SNRK: variants seen among roughly 807,000 people sequenced by gnomAD.
The protein encoded by SNRK is SNF-related serine/threonine-protein kinase.
In SNRK, 3 loss-of-function variants were observed where a neutral mutation model predicts 48.2. The ratio of observed to expected loss-of-function variants is 0.06; its 90% confidence interval spans 0.03 to 0.16. The LOEUF is 0.16. SNRK is among the 10% of genes least tolerant of loss of function. The pLI is 1.00. For synonymous variants in SNRK, 376 were observed against 366.1 expected, an observed-to-expected ratio of 1.03 and a Z score of -0.31; for missense variants, 627 against 976.0, an observed-to-expected ratio of 0.64 and a Z score of 4.76.
In SNRK at chr3:43,350,780, C is replaced by CCTGT. The variant is rs1384376688; in HGVS notation, c.*2226_*2229dup. On this transcript the variant is annotated 3_prime_UTR_variant, in exon 7 of 7. Coordinates refer to ENST00000296088, the MANE Select transcript of SNRK (RefSeq NM_017719.5). ...CTAAACAGTTACTTGTACCCCTTAA[C>CCTGT]CTGTCTTCAAAAGTTGCATATAGTT... 2 of 152,584 alleles carry CCTGT rather than the reference C, an allele frequency of 1.3e-5. No individual in the cohort carries two copies. Among genetic ancestry groups the CCTGT allele is most frequent in the Admixed American group, 6.5e-5 (1 of 15,282 alleles). The allele number at this position is 152,584 out of a possible 1,614,324, so 9.5% of individuals were successfully genotyped here.
At chr3:43,334,501 A>T (rs1340253850) in intron 4 of SNRK, among the ~76,000 whole-genome samples, 1 of 151,884 alleles carries the variant, frequency 6.6e-6, no homozygotes, top group Non-Finnish European at 1.5e-5. Flanking sequence ...GGTTTTTAAA[A>T]TTTTTTCCTA....
chr3:43,331,486 C>T (rs968818653), intron 3 of SNRK, among the ~76,000 whole-genome samples: 1 of 152,094 alleles, frequency 6.6e-6, no homozygotes, highest in Admixed American at 6.5e-5. Flanking sequence ...AGATGTTTGC[C>T]CTGCCTTTGC....
chr3:43,341,358 A>G (rs929778728), intron 5 of SNRK, among the ~76,000 whole-genome samples: 19 of 152,080 alleles, frequency 1.2e-4, no homozygotes, highest in Non-Finnish European at 2.2e-4. Context: ...TCACTGTGTT[A>G]GCCAGGATGG....
At chr3:43,338,486 G>A (rs2091207999) in intron 4 of SNRK, among the ~76,000 whole-genome samples, 1 of 152,222 alleles carries the variant, frequency 6.6e-6, no homozygotes, top group Non-Finnish European at 1.5e-5. Context: ...TAGGTGTCCT[G>A]TCTTCACTTA....
chr3:43,305,505 CAG>C lies in SNRK; in HGVS notation c.589+1716_589+1717del, dbSNP rs2090930847. Among the ~76,000 whole-genome samples, 5 of 131,516 alleles carry C rather than the reference CAG, an allele frequency of 3.8e-5. No individual in the cohort carries two copies. The South Asian group carries it at 1.2e-3, about 31-fold the overall frequency. The allele number at this position is 131,516 out of a possible 152,430, so 86.3% of individuals were successfully genotyped here. A position where few individuals can be genotyped will look rare whatever the true frequency, so the allele number is the denominator to read the frequency against. On this transcript the variant is annotated intron_variant, in intron 3 of 6. Coordinates refer to ENST00000296088, the MANE Select transcript of SNRK (RefSeq NM_017719.5). Reference sequence around the variant, plus strand: ...ATTTTTTTTTTTTTTTTTTTTGAGACAGAGTCTCGTTCTGTCACCCAGGCTGG... The same window carrying C: ...ATTTTTTTTTTTTTTTTTTTTGAGACAGTCTCGTTCTGTCACCCAGGCTGG...
intron 3 of SNRK, among the ~76,000 whole-genome samples, chr3:43,310,535 T>C (rs2125625068): frequency 6.6e-6 from 1 of 152,336 alleles, no homozygotes; most frequent in African/African-American, 2.4e-5. Flanking sequence ...CCTGTCCCTT[T>C]CTTGGATTAT....
intron 6 of SNRK, among the ~76,000 whole-genome samples, chr3:43,346,193 G>T (rs1438007166): frequency 6.6e-6 from 1 of 152,224 alleles, no homozygotes; most frequent in Non-Finnish European, 1.5e-5. Context: ...GACCACTTCA[G>T]AGAATACTGC....
At chr3:43,288,174 A>G (rs1196857880) in intron 1 of SNRK, among the ~76,000 whole-genome samples, 2 of 152,030 alleles carry the variant, frequency 1.3e-5, no homozygotes, top group Admixed American at 6.5e-5. Flanking sequence ...CACAGTGCTA[A>G]CTTTTTATAA....
intron 3 of SNRK, among the ~76,000 whole-genome samples, chr3:43,304,098 T>C (rs2090917197): frequency 6.6e-6 from 1 of 152,328 alleles, no homozygotes; most frequent in Non-Finnish European, 1.5e-5. Flanking sequence ...CTCAGATTTT[T>C]CTTTTAGTGG....
At position 43,303,314 on chromosome 3, in the gene SNRK, T is replaced by G; in HGVS notation, c.111T>G (p.Phe37Leu). Residue 37 changes from phenylalanine (F) to leucine (L), a missense_variant, in exon 3 of 7, where the codon TTT becomes TTG. Coordinates refer to ENST00000296088, the MANE Select transcript of SNRK (RefSeq NM_017719.5). The surrounding 1 kb of genome is among the most constrained non-coding windows in gnomAD (Gnocchi z 6.2). The part of the protein sequence containing the change: ...FAVVKLARHV[F>L]TGEKVAVKVI... ...TGGTTAAACTTGCCAGGCATGTCTTTACGGGTGAAAAGGTGGCAGTAAAAG... is the reference window on the plus strand; with the variant it reads ...TGGTTAAACTTGCCAGGCATGTCTTGACGGGTGAAAAGGTGGCAGTAAAAG... 6.2e-7 allele frequency: 1 copy of G among 1,614,180 alleles called. No individual in the cohort carries two copies. The highest frequency in any genetic ancestry group is 8.5e-7 in the Non-Finnish European group (1 of 1,180,016).
chr3:43,347,243 G>A lies in SNRK; in HGVS notation c.1080-96G>A. ...GGCTGCTGCTTTTTTCTTTAAGTCT[G>A]TAGATTTTGTCCCAGTAAGTTCATT... On this transcript the variant is annotated intron_variant, in intron 6 of 6. Transcript: ENST00000296088. The surrounding 1 kb of genome is among the most constrained non-coding windows in gnomAD (Gnocchi z 5.4). 1 of 1,305,212 alleles carries A rather than the reference G, an allele frequency of 7.7e-7. No homozygotes were observed. Among genetic ancestry groups the A allele is most frequent in the Non-Finnish European group, 1.0e-6 (1 of 970,098 alleles). 80.9% of individuals were successfully genotyped at this position (1,305,212 alleles called of 1,614,324 possible).
chr3:43,320,372 C>T (rs1194687161), intron 3 of SNRK, among the ~76,000 whole-genome samples: 1 of 152,162 alleles, frequency 6.6e-6, no homozygotes, highest in Non-Finnish European at 1.5e-5. Flanking sequence ...TGCGTCAACT[C>T]TCCACTGACA....
chr3:43,293,229 A>G (rs2090827048), intron 1 of SNRK, among the ~76,000 whole-genome samples: 1 of 152,084 alleles, frequency 6.6e-6, no homozygotes, highest in Admixed American at 6.6e-5. Flanking sequence ...CAGCTTCCCA[A>G]AGTGCTGGGG....
rs2091319104 is a variant in SNRK at position 43,350,966 on chromosome 3, T to C, written c.*2409T>C. Reference sequence around the variant, plus strand: ...AATAGCTGTGAGACCGAATTAAAGATAATCCCTACCAAGTGAAAATTGATG... The same window carrying C: ...AATAGCTGTGAGACCGAATTAAAGACAATCCCTACCAAGTGAAAATTGATG... On this transcript the variant is annotated 3_prime_UTR_variant, in exon 7 of 7. Transcript: ENST00000296088. The C allele has an allele frequency of 6.6e-6, 1 of 152,642 alleles. No homozygotes were observed. Among genetic ancestry groups the C allele is most frequent in the Admixed American group, 6.5e-5 (1 of 15,280 alleles). The allele number at this position is 152,642 out of a possible 1,614,324, so 9.5% of individuals were successfully genotyped here.
intron 3 of SNRK, among the ~76,000 whole-genome samples, chr3:43,328,143 T>A (rs2091109773): frequency 6.6e-6 from 1 of 152,114 alleles, no homozygotes; most frequent in Non-Finnish European, 1.5e-5. Context: ...AAGAGACAGT[T>A]CCATTAACAT....
At chr3:43,292,535 G>C (rs910326419) in intron 1 of SNRK, among the ~76,000 whole-genome samples, 1 of 152,132 alleles carries the variant, frequency 6.6e-6, no homozygotes, top group African/African-American at 2.4e-5. Context: ...TGAGCCAGTA[G>C]GTATTCTTCA....
chr3:43,323,185 G>A (rs1162149004), intron 3 of SNRK, among the ~76,000 whole-genome samples: 9 of 152,114 alleles, frequency 5.9e-5, no homozygotes, highest in East Asian at 5.8e-4. Flanking sequence ...GTAAAAGCTC[G>A]ATCTGTGTCA....
At chr3:43,315,257 A>T (rs899150022) in intron 3 of SNRK, 1 of 151,608 alleles carries the variant, frequency 6.6e-6, no homozygotes, top group Non-Finnish European at 1.5e-5. Context: ...CCCATCTCTT[A>T]AAAAAAAATC....
intron 3 of SNRK, among the ~76,000 whole-genome samples, chr3:43,323,757 C>T (rs1275704656): frequency 6.7e-6 from 1 of 150,352 alleles, no homozygotes; most frequent in Non-Finnish European, 1.5e-5. Context: ...AAATGGTGAC[C>T]TATTGATGTG....
Sources: allele counts gnomAD v4.1 joint callset (sites outside exome capture counted in the v4.1 genomes callset), GRCh38; gene constraint gnomAD v4.1.1; non-coding constraint Gnocchi (gnomAD v3.1); transcripts MANE v1.5; gene names NCBI Gene and HGNC (gene_info 2026-07-23, HGNC 2026-07-21).